CHLSN: variants seen among roughly 807,000 people sequenced by gnomAD.
The protein encoded by CHLSN is cholesin, also known as protein cholesin.
chr7:1,009,050 T>TACACACATGCCCAC, the CHLSN span, among the ~76,000 whole-genome samples: 9 of 144,336 alleles, frequency 6.2e-5, no homozygotes, highest in African/African-American at 1.9e-4. Flanking sequence ...TGCACACACG[T>TACACACATGCCCAC]ACACGTGCAC....
At chr7:1,035,417 A>C in the CHLSN span, among the ~76,000 whole-genome samples, 1 of 152,278 alleles carries the variant, frequency 6.6e-6, no homozygotes, top group Non-Finnish European at 1.5e-5. Context: ...AAAGTTTGTA[A>C]AGGCAATTCC....
the CHLSN span, among the ~76,000 whole-genome samples, chr7:1,055,702 G>T: frequency 6.6e-6 from 1 of 152,200 alleles, no homozygotes; most frequent in Non-Finnish European, 1.5e-5. Flanking sequence ...GCTCTGTGGG[G>T]TGAAGGTGGC....
the CHLSN span, among the ~76,000 whole-genome samples, chr7:979,782 G>A: frequency 1.3e-5 from 2 of 151,832 alleles, no homozygotes; most frequent in South Asian, 2.1e-4. Context: ...GGGCACCTGC[G>A]CCATGCCTGC....
At chr7:1,008,362 G>A in the CHLSN span, among the ~76,000 whole-genome samples, 1 of 152,202 alleles carries the variant, frequency 6.6e-6, no homozygotes, top group Non-Finnish European at 1.5e-5. Context: ...AGGAGCAAGC[G>A]CAGGAGGCAG....
chr7:988,613 T>G, the CHLSN span: 1 of 1,603,566 alleles, frequency 6.2e-7, no homozygotes, highest in Non-Finnish European at 8.5e-7. Context: ...CAGCCCACTC[T>G]GTGCCTGGAC....
At chr7:1,099,717 T>G in the CHLSN span, among the ~76,000 whole-genome samples, 1 of 152,192 alleles carries the variant, frequency 6.6e-6, no homozygotes, top group Non-Finnish European at 1.5e-5. Flanking sequence ...CAGGGCTGGG[T>G]CAGGCTGCCT....
the CHLSN span, among the ~76,000 whole-genome samples, chr7:991,200 A>C: frequency 2.6e-5 from 4 of 152,120 alleles, no homozygotes; most frequent in Non-Finnish European, 4.4e-5. Context: ...GTACAGGGTG[A>C]TGAGTGACGG....
the CHLSN span, chr7:984,903 G>T: frequency 6.5e-7 from 1 of 1,536,146 alleles, no homozygotes; most frequent in Non-Finnish European, 8.7e-7. Flanking sequence ...TGGCGGGGCT[G>T]GCTGGGGTGG....
chr7:1,093,214 A>G, the CHLSN span: 1 of 502,210 alleles, frequency 2.0e-6, no homozygotes, highest in Non-Finnish European at 4.0e-6. Context: ...CAGGAAAGCC[A>G]CACGGAGAGG....
chr7:988,638 G>C, the CHLSN span: 7 of 1,602,206 alleles, frequency 4.4e-6, no homozygotes, highest in Middle Eastern at 9.9e-4. Flanking sequence ...CCCGCAGGCC[G>C]CCGCGTCTGT....
At chr7:1,066,550 G>A in the CHLSN span, among the ~76,000 whole-genome samples, 1 of 152,228 alleles carries the variant, frequency 6.6e-6, no homozygotes, top group Non-Finnish European at 1.5e-5. Flanking sequence ...CCTCAACGTG[G>A]AAAAAGCTGG....
the CHLSN span, among the ~76,000 whole-genome samples, chr7:1,032,864 C>T: frequency 1.2e-4 from 18 of 152,256 alleles, no homozygotes; most frequent in Non-Finnish European, 2.5e-4. Flanking sequence ...CCCCAAGCAT[C>T]CTTCCTCCAG....
chr7:1,116,354 C>G, the CHLSN span, among the ~76,000 whole-genome samples: 3 of 137,718 alleles, frequency 2.2e-5, no homozygotes, highest in South Asian at 2.3e-4. Flanking sequence ...ATGATGACAT[C>G]ACTACAGCTC....
At chr7:986,437 C>CG in the CHLSN span, 4 of 653,706 alleles carry the variant, frequency 6.1e-6, no homozygotes, top group East Asian at 5.7e-5. Context: ...GGGACACGGA[C>CG]AGGGGGTTTC....
chr7:1,087,917 G>C, the CHLSN span, among the ~76,000 whole-genome samples: 1 of 152,220 alleles, frequency 6.6e-6, no homozygotes, highest in African/African-American at 2.4e-5. Flanking sequence ...GTGAAGAAAA[G>C]CAGTTAAACC....
the CHLSN span, chr7:1,093,336 G>T: frequency 2.4e-6 from 1 of 421,348 alleles, no homozygotes; most frequent in South Asian, 1.8e-5. Context: ...TGGACGTCGC[G>T]GTGTGTCCTC....
At chr7:1,014,297 A>G in the CHLSN span, among the ~76,000 whole-genome samples, 4 of 152,258 alleles carry the variant, frequency 2.6e-5, no homozygotes, top group African/African-American at 9.6e-5. Flanking sequence ...ATACAACTGC[A>G]TGAAAACTAT....
the CHLSN span, among the ~76,000 whole-genome samples, chr7:1,016,969 C>CAGCACACGCCAGCGCACAG: frequency 4.8e-5 from 5 of 103,720 alleles, no homozygotes; most frequent in Non-Finnish European, 9.8e-5. Context: ...GCAGCACACG[C>CAGCACACGCCAGCGCACAG]CAGCACACAC....
the CHLSN span, among the ~76,000 whole-genome samples, chr7:1,040,182 T>TAAAA: frequency 8.1e-3 from 777 of 96,020 alleles, 15 homozygotes; most frequent in African/African-American, 0.029. Context: ...AAAAATAAAT[T>TAAAA]TAAAAAAAAA....
Sources: gnomAD v4.1 joint callset for allele counts (sites outside exome capture counted in the v4.1 genomes callset) on GRCh38, gnomAD v4.1.1 for gene constraint, MANE v1.5 for transcripts, NCBI Gene and HGNC (gene_info 2026-07-23, HGNC 2026-07-21) for gene names.